The following CORIN variants were observed in gnomAD, a reference collection of about 807,000 sequenced individuals.
The protein encoded by CORIN is atrial natriuretic peptide-converting enzyme.
A neutral mutation model predicts 125.3 loss-of-function variants in CORIN; 117 were observed. The observed-to-expected ratio is 0.93, with a 90% CI of 0.80 to 1.09. CORIN has a LOEUF of 1.09. Among genes scored for constraint, CORIN ranks in the 50% least tolerant of loss-of-function variants. The pLI is 0.00. For synonymous variants in CORIN, 450 were observed against 466.4 expected, an observed-to-expected ratio of 0.96 and a Z score of 0.45; for missense variants, 1,253 against 1,306.7, an observed-to-expected ratio of 0.96 and a Z score of 0.63.
At position 47,680,096 on chromosome 4, in the gene CORIN, C is replaced by G. The variant is rs759901325; in HGVS notation, c.1132+45G>C. ...CAACCTTGAGTACAGCCTAAAGAAC[C>G]AGAAATGGAAAAATAAGCAAAACAA... On this transcript the variant is annotated intron_variant, in intron 8 of 21. Transcript: ENST00000273857. 3.1e-6 allele frequency: 4 copies of G among 1,295,428 alleles called. No individual in the cohort carries two copies. The South Asian group carries it at 3.6e-5, about 12-fold the overall frequency. 80.2% of individuals were successfully genotyped at this position (1,295,428 alleles called of 1,614,324 possible). A position where few individuals can be genotyped will look rare whatever the true frequency, so the allele number is the denominator to read the frequency against.
intron 2 of CORIN, among the ~76,000 whole-genome samples, chr4:47,792,624 A>C (rs749131995): frequency 1.1e-4 from 17 of 152,202 alleles, no homozygotes; most frequent in Non-Finnish European, 2.4e-4. Context: ...TTGTTCATCA[A>C]ATATTTCCAG....
At chr4:47,757,461 G>A (rs1729202869) in intron 4 of CORIN, among the ~76,000 whole-genome samples, 2 of 151,956 alleles carry the variant, frequency 1.3e-5, no homozygotes, top group Non-Finnish European at 2.9e-5. Flanking sequence ...AGGCGCGGTG[G>A]TGGGCGCCTG....
At chr4:47,803,251 A>T (rs564165090) in intron 2 of CORIN, among the ~76,000 whole-genome samples, 1 of 152,384 alleles carries the variant, frequency 6.6e-6, no homozygotes, top group South Asian at 2.1e-4. Flanking sequence ...GGATTGGAAG[A>T]ATCAATATTG....
intron 5 of CORIN, among the ~76,000 whole-genome samples, chr4:47,705,332 A>G (rs1726498134): frequency 6.6e-6 from 1 of 152,240 alleles, no homozygotes; most frequent in Non-Finnish European, 1.5e-5. Flanking sequence ...AACCATGCTT[A>G]TATTTGTGAT....
chr4:47,837,491 T>C, intron 1 of CORIN: 1 of 298,782 alleles, frequency 3.3e-6, no homozygotes, highest in Non-Finnish European at 6.3e-6. Context: ...ACCTGCAGCC[T>C]CCCCTGCCGC....
At chr4:47,694,978 C>T (rs1725923361) in intron 5 of CORIN, among the ~76,000 whole-genome samples, 1 of 152,162 alleles carries the variant, frequency 6.6e-6, no homozygotes, top group Non-Finnish European at 1.5e-5. Context: ...GTAACATCTT[C>T]ACAATATCAA....
At chr4:47,611,112 T>G (rs1428936808) in intron 19 of CORIN, among the ~76,000 whole-genome samples, 1 of 152,160 alleles carries the variant, frequency 6.6e-6, no homozygotes, top group Admixed American at 6.5e-5. Flanking sequence ...TTTAAAATAG[T>G]TTTTTCTAAT....
Position 47,787,692 on chromosome 4 carries a change from T to C in CORIN, c.209-767A>G, listed in dbSNP as rs573137150. ...AACGAGTAAGTTCCTTAGTGGTGAT[T>C]TGTGAGATTTTGGTGCACCCATGCA... On this transcript the variant is annotated intron_variant, in intron 2 of 21. Transcript: ENST00000273857. Among the ~76,000 whole-genome samples, 12 of 152,342 alleles carry C rather than the reference T, an allele frequency of 7.9e-5. No individual in the cohort carries two copies. The South Asian group carries it at 1.7e-3, about 21-fold the overall frequency.
At chr4:47,800,993 G>A (rs943017833) in intron 2 of CORIN, among the ~76,000 whole-genome samples, 10 of 152,008 alleles carry the variant, frequency 6.6e-5, no homozygotes, top group Non-Finnish European at 7.4e-5. Flanking sequence ...TGAGACTGCC[G>A]CATGCATGGC....
At chr4:47,684,896 G>C (rs1351177664) in intron 6 of CORIN, among the ~76,000 whole-genome samples, 1 of 151,154 alleles carries the variant, frequency 6.6e-6, no homozygotes, top group Non-Finnish European at 1.5e-5. Context: ...ATTAAGCAAA[G>C]GCAGCGGGAG....
At chr4:47,825,003 G>T (rs1338424094) in intron 1 of CORIN, among the ~76,000 whole-genome samples, 1 of 152,194 alleles carries the variant, frequency 6.6e-6, no homozygotes, top group Non-Finnish European at 1.5e-5. Flanking sequence ...CAGGGCAGCC[G>T]CAGGTCCAGG....
chr4:47,815,946 A>C (rs1214639601), intron 1 of CORIN, among the ~76,000 whole-genome samples: 3 of 152,206 alleles, frequency 2.0e-5, no homozygotes, highest in African/African-American at 7.2e-5. Context: ...GAATTTGTGC[A>C]AATCTTAGAA....
chr4:47,646,576 C>G (rs1418558459), intron 13 of CORIN, among the ~76,000 whole-genome samples: 1 of 152,166 alleles, frequency 6.6e-6, no homozygotes, highest in Non-Finnish European at 1.5e-5. Context: ...CCGGTCAGAT[C>G]CCTGGCCCCG....
intron 3 of CORIN, among the ~76,000 whole-genome samples, chr4:47,767,861 C>G (rs1289842808): frequency 6.6e-6 from 1 of 152,136 alleles, no homozygotes; most frequent in Non-Finnish European, 1.5e-5. Flanking sequence ...TACAACTTAA[C>G]AAGACTGACT....
chr4:47,635,264 C>G (rs994919644), intron 16 of CORIN, among the ~76,000 whole-genome samples: 3 of 152,122 alleles, frequency 2.0e-5, no homozygotes, highest in African/African-American at 7.2e-5. Context: ...GATGGAGTCC[C>G]TCTCTGAGGA....
At chr4:47,832,851 A>G (rs534479096) in intron 1 of CORIN, among the ~76,000 whole-genome samples, 96 of 152,292 alleles carry the variant, frequency 6.3e-4, no homozygotes, top group Middle Eastern at 3.4e-3. Context: ...GTGCTGCCCA[A>G]TACAGTTGCC....
intron 19 of CORIN, among the ~76,000 whole-genome samples, chr4:47,607,950 AAAAAG>A (rs1721716890): frequency 9.7e-6 from 1 of 102,590 alleles, no homozygotes; most frequent in Admixed American, 1.1e-4. Context: ...CCATCTCAAA[AAAAAG>A]AAAAAAAAAA....
intron 6 of CORIN, among the ~76,000 whole-genome samples, chr4:47,689,249 A>G (rs762994099): frequency 1.1e-4 from 17 of 152,206 alleles, no homozygotes; most frequent in Non-Finnish European, 2.2e-4. Flanking sequence ...CATGCAAGAC[A>G]TTGGTCTATA....
intron 3 of CORIN, among the ~76,000 whole-genome samples, chr4:47,766,946 C>CAAAA (rs1045606316): frequency 1.6e-5 from 1 of 63,204 alleles, no homozygotes; most frequent in Non-Finnish European, 3.4e-5. Context: ...GACTCTGTCT[C>CAAAA]AAAAAAAAAA....
Sources: gnomAD v4.1 joint callset for allele counts (sites outside exome capture counted in the v4.1 genomes callset) on GRCh38, gnomAD v4.1.1 for gene constraint, MANE v1.5 for transcripts, NCBI Gene and HGNC (gene_info 2026-07-23, HGNC 2026-07-21) for gene names.